GNA14: variants seen among roughly 807,000 people sequenced by gnomAD.
GNA14 encodes guanine nucleotide-binding protein subunit alpha-14.
A neutral mutation model predicts 42.0 loss-of-function variants in GNA14; 50 were observed. The ratio of observed to expected loss-of-function variants is 1.19; its 90% CI spans 0.95 to 1.51. The LOEUF (loss-of-function observed/expected upper bound fraction) is 1.51. Ranked by LOEUF, GNA14 falls within the 40% of genes most tolerant of loss-of-function variation. The pLI is 0.00. For missense variants in GNA14, 473 were observed against 446.2 expected (o/e 1.06, Z -0.54); for synonymous variants, 173 against 163.1 (o/e 1.06, Z -0.46).
intron 1 of GNA14, among the ~76,000 whole-genome samples, chr9:77,565,737 C>T (rs1213965194): frequency 3.3e-5 from 5 of 152,184 alleles, no homozygotes; most frequent in African/African-American, 9.7e-5. Context: ...GGATTAGAGG[C>T]GTGAGCCACC....
At chr9:77,603,219 C>T (rs1823595351) in intron 1 of GNA14, among the ~76,000 whole-genome samples, 1 of 152,122 alleles carries the variant, frequency 6.6e-6, no homozygotes, top group Non-Finnish European at 1.5e-5. Context: ...AACCAATGCC[C>T]TTTCTCTTAG....
chr9:77,439,530 A>G (rs1835691779), intron 2 of GNA14, among the ~76,000 whole-genome samples: 1 of 152,172 alleles, frequency 6.6e-6, no homozygotes. Flanking sequence ...CCAGCTACTC[A>G]GGAGGCTGAG....
chr9:77,579,717 T>C lies in GNA14; in HGVS notation c.125-50464A>G, dbSNP rs533901333. Among the ~76,000 whole-genome samples the C allele has an allele frequency of 3.9e-5, 6 of 152,272 alleles. No individual in the cohort carries two copies. The East Asian group carries it at 1.2e-3, about 29-fold the overall frequency. The stretch of plus-strand genomic sequence containing the variant: ...GATGCAAAAATGGGATCGATTTCGT[T>C]TCCCTTAGGTCTGCTGACTCATTTA... On this transcript the variant is annotated intron_variant, in intron 1 of 6. Transcript: ENST00000341700.
intron 2 of GNA14, among the ~76,000 whole-genome samples, chr9:77,518,338 G>C (rs1043805231): frequency 2.0e-5 from 3 of 152,112 alleles, no homozygotes; most frequent in Non-Finnish European, 2.9e-5. Context: ...ACATTGTGGA[G>C]GGCTCCACAC....
At chr9:77,553,591 T>TC (rs1262327742) in intron 1 of GNA14, among the ~76,000 whole-genome samples, 1 of 151,966 alleles carries the variant, frequency 6.6e-6, no homozygotes, top group Non-Finnish European at 1.5e-5. Flanking sequence ...CAAATGAAAA[T>TC]CATGCCATAC....
chr9:77,511,865 A>C (rs575014398), intron 2 of GNA14, among the ~76,000 whole-genome samples: 2 of 152,312 alleles, frequency 1.3e-5, no homozygotes, highest in South Asian at 4.1e-4. Flanking sequence ...GGTCCAGTCA[A>C]CCAGAAGGCC....
chr9:77,576,354 T>C (rs555018212), intron 1 of GNA14, among the ~76,000 whole-genome samples: 11 of 152,336 alleles, frequency 7.2e-5, no homozygotes, highest in Admixed American at 1.3e-4. Flanking sequence ...GTGTACCGAA[T>C]ACTGAATAAT....
intron 2 of GNA14, among the ~76,000 whole-genome samples, chr9:77,489,977 C>T (rs1006247253): frequency 5.9e-5 from 9 of 152,132 alleles, no homozygotes; most frequent in South Asian, 4.2e-4. Flanking sequence ...TTGGTAGAGC[C>T]GAGCAGCCTG....
At chr9:77,611,459 A>G (rs1401737436) in intron 1 of GNA14, among the ~76,000 whole-genome samples, 1 of 152,186 alleles carries the variant, frequency 6.6e-6, no homozygotes, top group Non-Finnish European at 1.5e-5. Context: ...GGAGAAAGAC[A>G]TTGCCTCTGT....
At chr9:77,600,069 TTTTG>T (rs149895724) in intron 1 of GNA14, among the ~76,000 whole-genome samples, 9,975 of 152,246 alleles carry the variant, frequency 0.066, 440 homozygotes, top group Non-Finnish European at 0.097. Flanking sequence ...ATATATTGAT[TTTTG>T]TTTGTCAACT....
chr9:77,580,975 G>GT (rs1823214609), intron 1 of GNA14, among the ~76,000 whole-genome samples: 1 of 149,900 alleles, frequency 6.7e-6, no homozygotes, highest in African/African-American at 2.5e-5. Context: ...TTCTTCAGAA[G>GT]TTTCAATGCT....
intron 2 of GNA14, among the ~76,000 whole-genome samples, chr9:77,504,548 AAG>A (rs10559406): frequency 0.49 from 70,571 of 144,732 alleles, 17,521 homozygotes; most frequent in East Asian, 0.59. Flanking sequence ...AAAAAAAAAA[AAG>A]AGAGAGAGAG....
Position 77,434,380 on chromosome 9 carries a change from T to C in GNA14, c.452A>G (p.Asp151Gly), listed in dbSNP as rs1176121602. The C allele has an allele frequency of 6.2e-7, 1 of 1,613,678 alleles. No individual in the cohort carries two copies. The highest frequency in any genetic ancestry group is 1.3e-5 in the African/African-American group (1 of 74,966). Reference sequence around the variant, plus strand: ...GCTCTGTACTCACTATTTGGCAGAGTCCGACAGCTGGTACTCCCTCCTCCT... The same window carrying C: ...GCTCTGTACTCACTATTTGGCAGAGCCCGACAGCTGGTACTCCCTCCTCCT... ...YDRRREYQLS[D>G]SAKYYLTDID... Residue 151 changes from aspartate (D) to glycine (G), a missense_variant, in exon 3 of 7, where the codon GAC becomes GGC. Asp to Gly is a moderately conservative substitution (Grantham distance 94, BLOSUM62 -1). Coordinates refer to ENST00000341700, the MANE Select transcript of GNA14 (RefSeq NM_004297.4).
chr9:77,518,069 C>G (rs539654945), intron 2 of GNA14: 8 of 152,252 alleles, frequency 5.3e-5, no homozygotes, highest in African/African-American at 1.9e-4. Context: ...CTGTTCAGGA[C>G]ACAGCAGAAT....
intron 1 of GNA14, 57 bp downstream of exon 1, chr9:77,647,613 G>C (rs897282909): frequency 2.6e-5 from 41 of 1,570,094 alleles, no homozygotes; most frequent in Non-Finnish European, 3.5e-5. Flanking sequence ...TGGAGAGGCC[G>C]GGAGGGCTCG....
intron 1 of GNA14, among the ~76,000 whole-genome samples, chr9:77,568,418 G>C (rs1823005578): frequency 6.6e-6 from 1 of 151,606 alleles, no homozygotes; most frequent in Non-Finnish European, 1.5e-5. Context: ...TTTGAACCCA[G>C]GAGGTGGAGG....
chr9:77,434,444 G>T lies in GNA14; in HGVS notation c.388C>A (p.Gln130Lys). 6.2e-7 allele frequency: 1 copy of T among 1,613,584 alleles called. No individual in the cohort carries two copies. The change falls in exon 3 of 7, where the codon CAG (glutamine) becomes AAG (lysine). Residue 130 changes from glutamine (Q) to lysine (K), a missense_variant. Gln to Lys is a moderately conservative substitution (Grantham distance 53). Coordinates refer to ENST00000341700, the MANE Select transcript of GNA14 (RefSeq NM_004297.4). ...LSREQVEAIK[Q>K]LWQDPGIQEC... The stretch of plus-strand genomic sequence containing the variant: ...TGGATGCCTGGATCTTGCCAGAGCT[G>T]CTTGATGGCCTCCACCTGCTCCCTG...
At chr9:77,637,442 A>G (rs1211148818) in intron 1 of GNA14, among the ~76,000 whole-genome samples, 1 of 152,240 alleles carries the variant, frequency 6.6e-6, no homozygotes, top group Non-Finnish European at 1.5e-5. Context: ...CATCAACTTC[A>G]GAGAAAATTT....
chr9:77,615,645 C>G (rs1823799336), intron 1 of GNA14, among the ~76,000 whole-genome samples: 1 of 150,474 alleles, frequency 6.6e-6, no homozygotes, highest in Admixed American at 6.6e-5. Flanking sequence ...TGTTTATCAT[C>G]ATACACATTT....
Sources: allele counts gnomAD v4.1 joint callset (sites outside exome capture counted in the v4.1 genomes callset), GRCh38; gene constraint gnomAD v4.1.1; transcripts MANE v1.5; gene names NCBI Gene and HGNC (gene_info 2026-07-23, HGNC 2026-07-21).